CDKL3: variants seen among roughly 807,000 people sequenced by gnomAD.
CDKL3 encodes the protein cyclin-dependent kinase-like 3.
In CDKL3, 65 loss-of-function variants were observed where a neutral mutation model predicts 69.3. The observed-to-expected ratio is 0.94, with a 90% CI of 0.77 to 1.15. CDKL3 has a LOEUF of 1.15. CDKL3 is among the 50% of genes most tolerant of loss of function. The pLI is 0.00. For synonymous variants in CDKL3, 202 were observed against 221.6 expected (o/e 0.91, Z 0.79); for missense variants, 652 against 689.2 (o/e 0.95, Z 0.61).
chr5:134,357,395 C>T (rs981462891), intron 3 of CDKL3, among the ~76,000 whole-genome samples: 1 of 151,420 alleles, frequency 6.6e-6, no homozygotes, highest in African/African-American at 2.4e-5. Flanking sequence ...AGTGAGATCA[C>T]GCCATTGCAC....
chr5:134,338,027 G>A (rs976109816), intron 4 of CDKL3, among the ~76,000 whole-genome samples: 1 of 152,094 alleles, frequency 6.6e-6, no homozygotes, highest in Admixed American at 6.5e-5. Context: ...AGCCATTAGA[G>A]CTGCCTCTAC....
At position 134,359,072 on chromosome 5, in the gene CDKL3, G is replaced by A. The variant is rs1449576989; in HGVS notation, c.360+825C>T. ...AGGCTGAGGCGGGCAAATCACTTGAGCCCAGGAGTTTGAGACCAGCCTGGG... is the reference window on the plus strand; with the variant it reads ...AGGCTGAGGCGGGCAAATCACTTGAACCCAGGAGTTTGAGACCAGCCTGGG... On this transcript the variant is annotated intron_variant, in intron 3 of 12. Coordinates refer to ENST00000265334, the MANE Select transcript of CDKL3 (RefSeq NM_001113575.2). Among the ~76,000 whole-genome samples the A allele has an allele frequency of 3.3e-5, 5 of 152,206 alleles. No individual in the cohort carries two copies. In the East Asian group the frequency reaches 9.7e-4, roughly 30 times the overall value.
chr5:134,367,289 G>A (rs1179185298), upstream of CDKL3: 4 of 985,278 alleles, frequency 4.1e-6, no homozygotes, highest in Non-Finnish European at 4.8e-6. Flanking sequence ...TTGGGAATGG[G>A]GGAGGGGAGT....
rs1772856348 is a variant in CDKL3, at chr5:134,321,771, G to C, written c.652+20C>G. On this transcript the variant is annotated intron_variant, in intron 5 of 12. Transcript: ENST00000265334. ...TATTTATTTTAGACATGTAACTCAT[G>C]TTATTTCAGTAATACCTACCCACTT... 8.1e-7 allele frequency: 1 copy of C among 1,231,942 alleles called. No homozygotes were observed. The highest frequency in any genetic ancestry group is 1.5e-5 in the African/African-American group (1 of 67,044). 76.3% of individuals were successfully genotyped at this position (1,231,942 alleles called of 1,614,324 possible). A position where few individuals can be genotyped will look rare whatever the true frequency, so the allele number is the denominator to read the frequency against.
chr5:134,321,070 G>A (rs533781984), intron 5 of CDKL3, among the ~76,000 whole-genome samples: 12 of 142,116 alleles, frequency 8.4e-5, no homozygotes, highest in South Asian at 4.6e-4. Context: ...GTGCAGTGGC[G>A]TGATCGTGGC....
chr5:134,356,602 G>A (rs1482211979), intron 3 of CDKL3, among the ~76,000 whole-genome samples: 1 of 152,122 alleles, frequency 6.6e-6, no homozygotes, highest in Non-Finnish European at 1.5e-5. Context: ...TGGCTAACGT[G>A]GTGAAACCCC....
At chr5:134,297,440 T>A (rs1765415423), downstream of CDKL3, among the ~76,000 whole-genome samples, 1 of 152,142 alleles carries the variant, frequency 6.6e-6, no homozygotes, top group Non-Finnish European at 1.5e-5. Flanking sequence ...ACATTATTTT[T>A]AAATATTTTA....
chr5:134,315,964 T>TA (rs1287539670), intron 6 of CDKL3, among the ~76,000 whole-genome samples: 6 of 152,198 alleles, frequency 3.9e-5, no homozygotes, highest in African/African-American at 1.4e-4. Context: ...AATATATATA[T>TA]TTTTTAAGAC....
downstream of CDKL3, among the ~76,000 whole-genome samples, chr5:134,294,063 C>G (rs1765241939): frequency 6.6e-6 from 1 of 152,048 alleles, no homozygotes; most frequent in Non-Finnish European, 1.5e-5. Context: ...GAGCTATAAT[C>G]ACACTGCTGC....
chr5:134,295,041 G>T (rs1238538400), downstream of CDKL3, among the ~76,000 whole-genome samples: 2 of 139,716 alleles, frequency 1.4e-5, no homozygotes, highest in East Asian at 4.0e-4. Context: ...TTGAGATGGG[G>T]TCTCAGTCTG....
Position 134,360,023 on chromosome 5 carries a change from T to C in CDKL3, c.234A>G (p.Val78=), listed in dbSNP as rs930681907. 6 of 1,557,046 alleles carry C rather than the reference T, an allele frequency of 3.9e-6. No homozygotes were observed. The highest frequency in any genetic ancestry group is 1.9e-5 in the Admixed American group (1 of 51,304). The change falls in exon 3 of 13, where the codon GTA becomes GTG. Residue 78 remains valine, a synonymous_variant. Transcript: ENST00000265334. ...VFRQKKKIHL[V]FEFIDHTVLD... is the part of the protein sequence containing the mutation. Reference sequence around the variant, plus strand: ...ATACTGTGTGGTCAATAAATTCAAATACCAAATGAATTTTCTTTTTCTGTC... The same window carrying C: ...ATACTGTGTGGTCAATAAATTCAAACACCAAATGAATTTTCTTTTTCTGTC...
At chr5:134,299,587 C>A in intron 12 of CDKL3, 2 of 1,349,110 alleles carry the variant, frequency 1.5e-6, no homozygotes, top group East Asian at 2.6e-5. Flanking sequence ...TACGATATAC[C>A]TGTAAAATTA....
At chr5:134,294,592 T>C (rs1393864000), downstream of CDKL3, among the ~76,000 whole-genome samples, 4 of 151,452 alleles carry the variant, frequency 2.6e-5, no homozygotes, top group Non-Finnish European at 5.9e-5. Context: ...ATTGCCTATA[T>C]AGGAAGGCAT....
At chr5:134,326,817 GTA>G (rs1164800558) in intron 4 of CDKL3, among the ~76,000 whole-genome samples, 1,507 of 120,404 alleles carry the variant, frequency 0.013, 36 homozygotes, top group Non-Finnish European at 0.014. Flanking sequence ...ATATGTGTGT[GTA>G]TATATATATA....
At chr5:134,338,238 C>T (rs1343412216) in intron 4 of CDKL3, among the ~76,000 whole-genome samples, 1 of 151,918 alleles carries the variant, frequency 6.6e-6, no homozygotes, top group African/African-American at 2.4e-5. Flanking sequence ...AAATATACCA[C>T]ACAAAGATGG....
chr5:134,324,866 C>T (rs1163404251), intron 4 of CDKL3, among the ~76,000 whole-genome samples: 2 of 152,236 alleles, frequency 1.3e-5, no homozygotes, highest in South Asian at 2.1e-4. Context: ...AATATTGGTA[C>T]ATCAATTGTA....
At position 134,319,482 on chromosome 5, in the gene CDKL3, T is replaced by G; in HGVS notation, c.668A>C (p.His223Pro). ...GCTCTTGGAAAAGATATTCTGCAAGTGAGGTGACAAATTGCCTGAAAAGAG... is the reference window on the plus strand; with the variant it reads ...GCTCTTGGAAAAGATATTCTGCAAGGGAGGTGACAAATTGCCTGAAAAGAG... ...IVLKVGNLSPHLQNIFSKSPI... is the reference protein window; with the variant it reads ...IVLKVGNLSPPLQNIFSKSPI... The change falls in exon 6 of 13, where the codon CAC (histidine) becomes CCC (proline). Residue 223 changes from histidine to proline, a missense_variant. Physicochemically the swap from His to Pro is moderately conservative, Grantham distance 77 (BLOSUM62 -2). Transcript: ENST00000265334. 1 of 1,529,404 alleles carries G rather than the reference T, an allele frequency of 6.5e-7. No homozygotes were observed. The highest frequency in any genetic ancestry group is 8.8e-7 in the Non-Finnish European group (1 of 1,140,932). The allele number at this position is 1,529,404 out of a possible 1,614,324, so 94.7% of individuals were successfully genotyped here. A position where few individuals can be genotyped will look rare whatever the true frequency, so the allele number is the denominator to read the frequency against.
downstream of CDKL3, among the ~76,000 whole-genome samples, chr5:134,283,888 T>C (rs1277164922): frequency 2.0e-5 from 3 of 152,160 alleles, no homozygotes; most frequent in East Asian, 5.8e-4. Context: ...CCATTCTGAA[T>C]GGGAGACATT....
At chr5:134,337,989 G>A (rs1467960061) in intron 4 of CDKL3, among the ~76,000 whole-genome samples, 1 of 152,024 alleles carries the variant, frequency 6.6e-6, no homozygotes, top group African/African-American at 2.4e-5. Context: ...TGAACTTTTT[G>A]AAGACCCCTC....
Sources: gnomAD v4.1 joint callset for allele counts (sites outside exome capture counted in the v4.1 genomes callset) on GRCh38, gnomAD v4.1.1 for gene constraint, MANE v1.5 for transcripts, NCBI Gene and HGNC (gene_info 2026-07-23, HGNC 2026-07-21) for gene names.